NYAP2: variants seen among roughly 807,000 people sequenced by gnomAD.
NYAP2 encodes neuronal tyrosine-phosphorylated phosphoinositide-3-kinase adaptor 2, also known as neuronal tyrosine-phosphorylated phosphoinositide-3-kinase adapter 2.
NYAP2 carries 23 observed loss-of-function variants against 50.4 expected under a neutral mutation model. The ratio of observed to expected loss-of-function variants is 0.46; its 90% CI spans 0.33 to 0.65. The LOEUF (loss-of-function observed/expected upper bound fraction) is 0.65. NYAP2 is among the 30% of genes least tolerant of loss of function. The pLI is 0.02. For missense variants in NYAP2, 885 were observed against 861.0 expected, an observed-to-expected ratio of 1.03 and a Z score of -0.35; for synonymous variants, 394 against 365.2, an observed-to-expected ratio of 1.08 and a Z score of -0.90.
At chr2:225,628,417 G>A (rs1422148875) in intron 6 of NYAP2, among the ~76,000 whole-genome samples, 1 of 151,158 alleles carries the variant, frequency 6.6e-6, no homozygotes, top group East Asian at 1.9e-4. Flanking sequence ...CGACTCCTGG[G>A]TTCAAGTGAT....
the NYAP2 span, among the ~76,000 whole-genome samples, chr2:225,692,611 T>G: frequency 2.6e-5 from 4 of 152,022 alleles, no homozygotes; most frequent in Admixed American, 2.6e-4. Context: ...CACAGTACAA[T>G]ATCCATAAAA....
intron 4 of NYAP2, among the ~76,000 whole-genome samples, chr2:225,564,314 T>G (rs1236992485): frequency 6.6e-6 from 1 of 151,724 alleles, no homozygotes; most frequent in Non-Finnish European, 1.5e-5. Flanking sequence ...TTTAAGGCCT[T>G]GAGTTCAAAA....
the NYAP2 span, chr2:225,702,091 A>G: frequency 1.3e-5 from 2 of 151,788 alleles, no homozygotes; most frequent in East Asian, 1.9e-4. Flanking sequence ...TTAAGAAACA[A>G]TTCCTACGAT....
At chr2:225,425,640 A>T (rs1695276329) in intron 3 of NYAP2, among the ~76,000 whole-genome samples, 1 of 152,178 alleles carries the variant, frequency 6.6e-6, no homozygotes, top group Non-Finnish European at 1.5e-5. Flanking sequence ...CCTATCTAAT[A>T]TGTTTAAAAA....
chr2:225,595,714 C>G (rs1239472335), intron 5 of NYAP2, among the ~76,000 whole-genome samples: 6 of 152,180 alleles, frequency 3.9e-5, no homozygotes, highest in Non-Finnish European at 8.8e-5. Context: ...GTGTATGGCT[C>G]TTTAATATAA....
intron 4 of NYAP2, among the ~76,000 whole-genome samples, chr2:225,560,933 G>GTTTTTT (rs34298369): frequency 2.9e-5 from 4 of 136,464 alleles, no homozygotes; most frequent in Non-Finnish European, 6.2e-5. Flanking sequence ...TTTCCAAAAC[G>GTTTTTT]TTTTTTTTTT....
chr2:225,537,680 C>T (rs548511109), intron 4 of NYAP2, among the ~76,000 whole-genome samples: 1 of 152,092 alleles, frequency 6.6e-6, no homozygotes, highest in Non-Finnish European at 1.5e-5. Flanking sequence ...CATTCCACCC[C>T]GACCCCTCCC....
At chr2:225,507,669 C>T (rs1171876008) in intron 3 of NYAP2, among the ~76,000 whole-genome samples, 1 of 152,246 alleles carries the variant, frequency 6.6e-6, no homozygotes, top group Non-Finnish European at 1.5e-5. Flanking sequence ...GCATGCTTTA[C>T]AGGCATGGCC....
intron 4 of NYAP2, among the ~76,000 whole-genome samples, chr2:225,538,956 A>G (rs1055401861): frequency 2.0e-5 from 3 of 151,902 alleles, no homozygotes; most frequent in South Asian, 2.1e-4. Flanking sequence ...ACAACCCGTC[A>G]TCTACATTAG....
chr2:225,403,902 C>CA (rs1394122752), intron 2 of NYAP2, among the ~76,000 whole-genome samples: 2 of 151,880 alleles, frequency 1.3e-5, no homozygotes, highest in Non-Finnish European at 2.9e-5. Context: ...GTTGATATCA[C>CA]AATGTATGAA....
chr2:225,643,683 A>G (rs1191740777), intron 6 of NYAP2, among the ~76,000 whole-genome samples: 1 of 151,322 alleles, frequency 6.6e-6, no homozygotes, highest in Non-Finnish European at 1.5e-5. Flanking sequence ...TATGAGTGAG[A>G]ATATGCGGTG....
chr2:225,410,444 G>A (rs1279218581), intron 3 of NYAP2, among the ~76,000 whole-genome samples: 3 of 151,582 alleles, frequency 2.0e-5, no homozygotes, highest in Non-Finnish European at 4.4e-5. Context: ...TTTCTGTGAA[G>A]TATTTTTGAT....
chr2:225,667,712 T>G, the NYAP2 span, among the ~76,000 whole-genome samples: 1 of 152,138 alleles, frequency 6.6e-6, no homozygotes, highest in African/African-American at 2.4e-5. Flanking sequence ...AAGAGGGCAT[T>G]CTTAACCCAA....
the NYAP2 span, among the ~76,000 whole-genome samples, chr2:225,674,577 G>GTGCAGGAAA: frequency 2.6e-5 from 4 of 152,148 alleles, no homozygotes; most frequent in Admixed American, 6.6e-5. Flanking sequence ...TCAGCAGAGG[G>GTGCAGGAAA]TGCAGGAAAA....
intron 6 of NYAP2, among the ~76,000 whole-genome samples, chr2:225,639,769 A>G (rs1693493211): frequency 6.6e-6 from 1 of 152,190 alleles, no homozygotes; most frequent in Non-Finnish European, 1.5e-5. Flanking sequence ...AGAAATGACA[A>G]AATTTTAAAA....
chr2:225,593,475 A>G (rs936594193), intron 5 of NYAP2, among the ~76,000 whole-genome samples: 1 of 152,182 alleles, frequency 6.6e-6, no homozygotes, highest in African/African-American at 2.4e-5. Context: ...CCAGAAACTT[A>G]ATGAAAAAAA....
the NYAP2 span, chr2:225,700,128 A>G: frequency 6.6e-6 from 1 of 151,864 alleles, no homozygotes; most frequent in African/African-American, 2.4e-5. Context: ...TATTGCTACA[A>G]ACCTAGTAAT....
intron 4 of NYAP2, among the ~76,000 whole-genome samples, chr2:225,532,553 CT>C (rs1691276159): frequency 6.6e-6 from 1 of 152,182 alleles, no homozygotes; most frequent in Non-Finnish European, 1.5e-5. Flanking sequence ...TTTCTGACAA[CT>C]TTGTCTAACC....
At chr2:225,551,327 A>G (rs907346498) in intron 4 of NYAP2, among the ~76,000 whole-genome samples, 3 of 152,210 alleles carry the variant, frequency 2.0e-5, no homozygotes, top group African/African-American at 7.2e-5. Context: ...AGCCTTGGAA[A>G]TGTTTGCTCT....
Sources: allele counts gnomAD v4.1 joint callset (sites outside exome capture counted in the v4.1 genomes callset), GRCh38; gene constraint gnomAD v4.1.1; transcripts MANE v1.5; gene names NCBI Gene and HGNC (gene_info 2026-07-23, HGNC 2026-07-21).